PITPNC1: variants seen among roughly 807,000 people sequenced by gnomAD.
PITPNC1 encodes the protein cytoplasmic phosphatidylinositol transfer protein 1.
Under a neutral mutation model 44.7 loss-of-function variants are expected in PITPNC1, and 18 were observed. That is an observed-to-expected ratio of 0.40 (90% CI 0.28 to 0.60). The LOEUF (loss-of-function observed/expected upper bound fraction) is 0.60, where lower values mean the gene tolerates loss of function less well. Ranked by LOEUF, PITPNC1 falls within the 20% of genes least tolerant of loss-of-function variation. PITPNC1 has a pLI of 0.39. For synonymous variants in PITPNC1, 141 were observed against 149.6 expected, an observed-to-expected ratio of 0.94 and a Z score of 0.42; for missense variants, 290 against 418.4, an observed-to-expected ratio of 0.69 and a Z score of 2.68.
chr17:67,641,444 A>T (rs1028888893), intron 6 of PITPNC1, among the ~76,000 whole-genome samples: 2 of 152,128 alleles, frequency 1.3e-5, no homozygotes, highest in African/African-American at 4.8e-5. Flanking sequence ...TAACCACATA[A>T]GCTTGCCATT....
chr17:67,595,844 A>G (rs8079449), intron 5 of PITPNC1, among the ~76,000 whole-genome samples: 1 of 152,170 alleles, frequency 6.6e-6, no homozygotes, highest in Admixed American at 6.5e-5. Flanking sequence ...AAAATGTTTC[A>G]TCTTGTTCCC....
At chr17:67,632,349 C>A in intron 6 of PITPNC1, 111 bp downstream of exon 6, 2 of 697,246 alleles carry the variant, frequency 2.9e-6, no homozygotes, top group Non-Finnish European at 2.5e-6. Context: ...CGTGTGGATT[C>A]AATTTGCTTT....
At chr17:67,419,346 C>G (rs533109212) in intron 1 of PITPNC1, among the ~76,000 whole-genome samples, 1 of 152,112 alleles carries the variant, frequency 6.6e-6, no homozygotes, top group African/African-American at 2.4e-5. Context: ...TGGAGTAGGA[C>G]GCAGACATGA....
At chr17:67,573,546 A>T (rs1230330027) in intron 4 of PITPNC1, among the ~76,000 whole-genome samples, 1 of 147,530 alleles carries the variant, frequency 6.8e-6, no homozygotes, top group Non-Finnish European at 1.5e-5. Context: ...AAGCACTGAA[A>T]CTGAATACTC....
At chr17:67,487,118 A>AG (rs2144037592) in intron 1 of PITPNC1, among the ~76,000 whole-genome samples, 1 of 152,320 alleles carries the variant, frequency 6.6e-6, no homozygotes, top group South Asian at 2.1e-4. Context: ...ACTAGTTTGA[A>AG]GTCCATTACA....
intron 5 of PITPNC1, among the ~76,000 whole-genome samples, chr17:67,616,377 G>A (rs542156076): frequency 6.6e-6 from 1 of 152,270 alleles, no homozygotes; most frequent in East Asian, 1.9e-4. Flanking sequence ...CTGACCTGAG[G>A]TGATCCACCA....
intron 1 of PITPNC1, among the ~76,000 whole-genome samples, chr17:67,378,529 C>A (rs2037905784): frequency 6.6e-6 from 1 of 152,182 alleles, no homozygotes; most frequent in African/African-American, 2.4e-5. Flanking sequence ...ACCCAAGAGC[C>A]CCCGGCGCGC....
rs149628088 is a variant in PITPNC1 at position 67,567,336 on chromosome 17, T to C, written c.295-10850T>C. Among the ~76,000 whole-genome samples the C allele has an allele frequency of 8.9e-3, 1,356 of 151,906 alleles. 24 individuals are homozygous for C. The highest frequency in any genetic ancestry group is 0.031 in the African/African-American group (1,292 of 41,434). The stretch of plus-strand genomic sequence containing the variant: ...CGTTTCTACTAAAAATACAAAAAAT[T>C]AGCCAGGCGTGGTGGCAGGTGCCTA... On this transcript the variant is annotated intron_variant, in intron 4 of 8. Transcript: ENST00000581322.
chr17:67,638,954 A>AT (rs2042063920), intron 6 of PITPNC1: 1 of 152,064 alleles, frequency 6.6e-6, no homozygotes, highest in South Asian at 2.1e-4. Context: ...CTACAAAAAA[A>AT]AAATAAAAAT....
At chr17:67,497,630 C>A (rs182535660) in intron 1 of PITPNC1, among the ~76,000 whole-genome samples, 2 of 142,098 alleles carry the variant, frequency 1.4e-5, no homozygotes, top group Non-Finnish European at 3.0e-5. Flanking sequence ...TAGGCTCAAG[C>A]GAACCTCCCA....
At chr17:67,536,347 C>T (rs1273223029) in intron 2 of PITPNC1, among the ~76,000 whole-genome samples, 1 of 152,108 alleles carries the variant, frequency 6.6e-6, no homozygotes, top group East Asian at 1.9e-4. Flanking sequence ...CCTTAGCCTC[C>T]CGAGTAGCTG....
intron 1 of PITPNC1, among the ~76,000 whole-genome samples, chr17:67,530,159 T>C (rs1243090208): frequency 1.4e-5 from 2 of 144,816 alleles, no homozygotes; most frequent in South Asian, 2.4e-4. Flanking sequence ...TGGTGTGATC[T>C]CTGCTCACTG....
intron 1 of PITPNC1, among the ~76,000 whole-genome samples, chr17:67,478,104 T>C (rs2039655988): frequency 6.6e-6 from 1 of 152,144 alleles, no homozygotes; most frequent in Non-Finnish European, 1.5e-5. Flanking sequence ...TTTTCCTCTT[T>C]CTTCCTTTCT....
At chr17:67,539,227 T>G (rs544692095) in intron 2 of PITPNC1, among the ~76,000 whole-genome samples, 3 of 152,290 alleles carry the variant, frequency 2.0e-5, no homozygotes, top group African/African-American at 7.2e-5. Flanking sequence ...AGATATAAAC[T>G]GATACCACCT....
At chr17:67,432,111 G>A (rs181677884) in intron 1 of PITPNC1, among the ~76,000 whole-genome samples, 17 of 152,288 alleles carry the variant, frequency 1.1e-4, no homozygotes, top group African/African-American at 4.1e-4. Context: ...ATATTTATAA[G>A]CGTGCTATGT....
chr17:67,645,814 A>C (rs768060943), intron 6 of PITPNC1, among the ~76,000 whole-genome samples: 1 of 152,114 alleles, frequency 6.6e-6, no homozygotes, highest in Non-Finnish European at 1.5e-5. Context: ...GACATTATTG[A>C]AGTTTATTTC....
intron 1 of PITPNC1, among the ~76,000 whole-genome samples, chr17:67,448,658 C>T (rs1456569254): frequency 6.6e-6 from 1 of 152,246 alleles, no homozygotes; most frequent in Admixed American, 6.5e-5. Context: ...TGCTTCCAGT[C>T]TTTCCTGTGG....
At chr17:67,584,781 A>G (rs1457977231) in intron 5 of PITPNC1, among the ~76,000 whole-genome samples, 1 of 152,174 alleles carries the variant, frequency 6.6e-6, no homozygotes, top group Non-Finnish European at 1.5e-5. Flanking sequence ...ACTATGTCCC[A>G]GGCATTAGGA....
intron 1 of PITPNC1, among the ~76,000 whole-genome samples, chr17:67,445,732 T>C (rs973581225): frequency 3.3e-5 from 5 of 152,100 alleles, no homozygotes; most frequent in African/African-American, 9.7e-5. Context: ...ATCCTTATTA[T>C]GAATAACAGA....
Sources: allele counts gnomAD v4.1 joint callset (sites outside exome capture counted in the v4.1 genomes callset), GRCh38; gene constraint gnomAD v4.1.1; transcripts MANE v1.5; gene names NCBI Gene and HGNC (gene_info 2026-07-23, HGNC 2026-07-21).